Variants in EFCAB3 observed in about 807,000 individuals in gnomAD.
EFCAB3 encodes the protein EF-hand calcium binding domain 3, also known as EF-hand calcium-binding domain-containing protein 3.
Under a neutral mutation model 42.2 loss-of-function variants are expected in EFCAB3, and 36 were observed. The observed-to-expected ratio is 0.85, with a 90% CI of 0.65 to 1.13. EFCAB3 has a LOEUF of 1.13. Ranked by LOEUF, EFCAB3 falls within the 50% of genes most tolerant of loss-of-function variation. The pLI is 0.00. For missense variants in EFCAB3, 418 were observed against 505.1 expected, an observed-to-expected ratio of 0.83 and a Z score of 1.65; for synonymous variants, 170 against 172.8, an observed-to-expected ratio of 0.98 and a Z score of 0.13.
chr17:62,400,173 C>T (rs1187243853), intron 6 of EFCAB3, among the ~76,000 whole-genome samples: 2 of 152,110 alleles, frequency 1.3e-5, no homozygotes, highest in Non-Finnish European at 2.9e-5. Context: ...CCACAGCCAC[C>T]TCAAACCAAA....
At chr17:62,374,811 T>C (rs2070138277) in intron 2 of EFCAB3, among the ~76,000 whole-genome samples, 1 of 152,158 alleles carries the variant, frequency 6.6e-6, no homozygotes, top group South Asian at 2.1e-4. Flanking sequence ...AGCCTGACTG[T>C]GTTTCAAAAA....
chr17:62,384,533 C>G (rs550353678), intron 2 of EFCAB3, among the ~76,000 whole-genome samples: 67 of 152,090 alleles, frequency 4.4e-4, no homozygotes, highest in African/African-American at 1.5e-3. Context: ...GAGGATTGCT[C>G]GAGCCTAGGA....
intron 6 of EFCAB3, 140 bp from the exon 7 acceptor site, chr17:62,406,340 G>A (rs2070447174): frequency 1.6e-6 from 1 of 624,864 alleles, no homozygotes; most frequent in Non-Finnish European, 2.7e-6. Context: ...ACAGAAATGG[G>A]CACTCAAATA....
chr17:62,372,538 T>A lies in EFCAB3; in HGVS notation c.35-1276T>A, dbSNP rs566889324. Among the ~76,000 whole-genome samples, 11 of 133,516 alleles carry A rather than the reference T, an allele frequency of 8.2e-5. No homozygotes were observed. The Admixed American group carries it at 9.1e-4, about 11-fold the overall frequency. The allele number at this position is 133,516 out of a possible 152,430, so 87.6% of individuals were successfully genotyped here. ...TTCAAGTGATCTGCCTGCCTCAGCCTCCCAAAGTGCTGGAATTACAGGCGT... is the reference window on the plus strand; with the variant it reads ...TTCAAGTGATCTGCCTGCCTCAGCCACCCAAAGTGCTGGAATTACAGGCGT... On this transcript the variant is annotated intron_variant, in intron 1 of 11. Coordinates refer to the EFCAB3 transcript ENST00000450662.
intron 8 of EFCAB3, among the ~76,000 whole-genome samples, chr17:62,408,038 T>C (rs8074566): frequency 0.88 from 134,162 of 152,218 alleles, 60,751 homozygotes; most frequent in Non-Finnish European, 1. Flanking sequence ...GCAAATATCA[T>C]TGAGAAGATG....
At chr17:62,375,445 C>T (rs1461248836) in intron 2 of EFCAB3, among the ~76,000 whole-genome samples, 1 of 152,158 alleles carries the variant, frequency 6.6e-6, no homozygotes, top group African/African-American at 2.4e-5. Flanking sequence ...TCTATGTTCA[C>T]CAATAAGTAT....
intron 9 of EFCAB3, among the ~76,000 whole-genome samples, chr17:62,415,622 A>C (rs991100290): frequency 2.0e-5 from 3 of 152,026 alleles, no homozygotes; most frequent in African/African-American, 7.2e-5. Context: ...TTACTCCGTC[A>C]ATTTGATCAC....
At chr17:62,392,036 C>G in intron 4 of EFCAB3, 71 bp downstream of exon 4, 1 of 1,465,252 alleles carries the variant, frequency 6.8e-7, no homozygotes, top group Non-Finnish European at 9.1e-7. Flanking sequence ...CTTTTAATGA[C>G]TGTATAAACA....
At chr17:62,402,649 C>G (rs1385378073) in intron 6 of EFCAB3, among the ~76,000 whole-genome samples, 3 of 152,142 alleles carry the variant, frequency 2.0e-5, no homozygotes, top group Non-Finnish European at 4.4e-5. Flanking sequence ...CCCACTTGAT[C>G]ATGGTGCATA....
intron 8 of EFCAB3, among the ~76,000 whole-genome samples, chr17:62,412,361 CA>C (rs1237628464): frequency 0.12 from 7,919 of 65,886 alleles, 454 homozygotes; most frequent in East Asian, 0.43. Context: ...GACTCTGTCT[CA>C]AAAAAAAAAA....
chr17:62,389,946 T>C (rs1362708375), intron 3 of EFCAB3, among the ~76,000 whole-genome samples: 8 of 152,104 alleles, frequency 5.3e-5, no homozygotes, highest in Non-Finnish European at 1.0e-4. Context: ...GCCACCACGC[T>C]CAGCTAATTT....
At chr17:62,399,645 A>C (rs1487507675) in intron 6 of EFCAB3, among the ~76,000 whole-genome samples, 1 of 151,940 alleles carries the variant, frequency 6.6e-6, no homozygotes, top group Non-Finnish European at 1.5e-5. Flanking sequence ...CTCTATCTGG[A>C]TACTTTTCCC....
chr17:62,397,684 C>A (rs896817754), intron 6 of EFCAB3: 2 of 575,572 alleles, frequency 3.5e-6, no homozygotes, highest in African/African-American at 1.9e-5. Flanking sequence ...GTTGCTTGAA[C>A]TTTATTGAGA....
At chr17:62,390,513 G>A (rs920175199) in intron 3 of EFCAB3, among the ~76,000 whole-genome samples, 2 of 152,050 alleles carry the variant, frequency 1.3e-5, no homozygotes, top group African/African-American at 4.8e-5. Context: ...TTCTAAAATG[G>A]CATCTAGTTT....
At chr17:62,377,246 A>G (rs138401028), upstream of EFCAB3, among the ~76,000 whole-genome samples, 305 of 152,324 alleles carry the variant, frequency 2.0e-3, 2 homozygotes, top group African/African-American at 7.1e-3. Flanking sequence ...AGGGATCACC[A>G]AGCATTTTCC....
chr17:62,383,514 G>A (rs1327829993), intron 2 of EFCAB3, among the ~76,000 whole-genome samples: 1 of 152,018 alleles, frequency 6.6e-6, no homozygotes, highest in East Asian at 1.9e-4. Context: ...TAAAGATTAT[G>A]ATGAAACAAT....
chr17:62,395,793 T>G (rs1446253116), intron 6 of EFCAB3, among the ~76,000 whole-genome samples: 1 of 152,232 alleles, frequency 6.6e-6, no homozygotes, highest in East Asian at 1.9e-4. Context: ...CACCTCAATC[T>G]ATTTTTATCA....
intron 4 of EFCAB3, among the ~76,000 whole-genome samples, chr17:62,392,866 T>C (rs2070316455): frequency 6.6e-6 from 1 of 152,112 alleles, no homozygotes; most frequent in Admixed American, 6.6e-5. Flanking sequence ...CTCGATCTCC[T>C]GACTTCGTGA....
chr17:62,412,362 A>C (rs997764883), intron 8 of EFCAB3, among the ~76,000 whole-genome samples: 1 of 87,072 alleles, frequency 1.1e-5, no homozygotes, highest in Non-Finnish European at 2.0e-5. Context: ...ACTCTGTCTC[A>C]AAAAAAAAAA....
Sources: gnomAD v4.1 joint callset for allele counts (sites outside exome capture counted in the v4.1 genomes callset) on GRCh38, gnomAD v4.1.1 for gene constraint, MANE v1.5 for transcripts, NCBI Gene and HGNC (gene_info 2026-07-23, HGNC 2026-07-21) for gene names.